Variants in PPL observed in about 807,000 individuals in gnomAD.
PPL encodes the protein 190 kDa paraneoplastic pemphigus antigen.
PPL carries 198 observed loss-of-function variants against 194.4 expected under a neutral mutation model. The ratio of observed to expected loss-of-function variants is 1.02; its 90% CI spans 0.91 to 1.15. PPL has a LOEUF of 1.15. Among genes scored for constraint, PPL ranks in the 50% most tolerant of loss-of-function variants. PPL has a pLI of 0.00. For synonymous variants in PPL, 1,220 were observed against 972.4 expected (o/e 1.25, Z -4.74); for missense variants, 2,885 against 2,294.8 (o/e 1.26, Z -5.25).
intron 1 of PPL, among the ~76,000 whole-genome samples, chr16:4,918,271 C>G (rs192198115): frequency 4.1e-5 from 6 of 145,122 alleles, no homozygotes; most frequent in East Asian, 2.1e-4. Flanking sequence ...CCAGCCTGGG[C>G]GACAGAGCAA....
At chr16:4,896,100 C>T (rs1381663926) in intron 9 of PPL, among the ~76,000 whole-genome samples, 4 of 152,032 alleles carry the variant, frequency 2.6e-5, no homozygotes, top group African/African-American at 7.2e-5. Flanking sequence ...TTTTTGTTCT[C>T]GAAAATTCTC....
At position 4,910,968 on chromosome 16, in the gene PPL, G is replaced by A. The variant is rs2088808709; in HGVS notation, c.63-19C>T. The A allele has an allele frequency of 6.2e-7, 1 of 1,604,536 alleles. No homozygotes were observed. Among genetic ancestry groups the A allele is most frequent in the South Asian group, 1.1e-5 (1 of 90,818 alleles). ...AGAGATGCTGCGGGCAGAAGCCGAGGGGAGATGGGCGGGGTGCCTGGTGGG... is the reference window on the plus strand; with the variant it reads ...AGAGATGCTGCGGGCAGAAGCCGAGAGGAGATGGGCGGGGTGCCTGGTGGG... On this transcript the variant is annotated intron_variant, in intron 1 of 21. Transcript: ENST00000345988.
chr16:4,909,361 C>T (rs995656197), intron 2 of PPL, among the ~76,000 whole-genome samples: 13 of 151,482 alleles, frequency 8.6e-5, no homozygotes, highest in Admixed American at 8.5e-4. Context: ...GCAGCTTGGC[C>T]GGGTAGACCT....
chr16:4,915,053 T>C (rs2088892637), intron 1 of PPL, among the ~76,000 whole-genome samples: 1 of 152,200 alleles, frequency 6.6e-6, no homozygotes, highest in Admixed American at 6.5e-5. Flanking sequence ...GTGGGGGCCT[T>C]TGTCTCTCTT....
intron 12 of PPL, among the ~76,000 whole-genome samples, chr16:4,894,044 G>T (rs1442829933): frequency 6.6e-6 from 1 of 152,162 alleles, no homozygotes; most frequent in South Asian, 2.1e-4. Context: ...AATTCAAGGA[G>T]CCCAGGCCCA....
chr16:4,883,268 G>T lies in PPL; in HGVS notation c.*116C>A. On this transcript the variant is annotated 3_prime_UTR_variant, in exon 22 of 22. Coordinates refer to ENST00000345988, the MANE Select transcript of PPL (RefSeq NM_002705.5). The surrounding 1 kb of genome is among the most constrained non-coding windows in gnomAD (Gnocchi z 4.8). The stretch of plus-strand genomic sequence containing the variant: ...GACTCTGAGCAGCCTGGCAGCGAGG[G>T]TATGTATAAAATGCTTGGCCTGCAC... 1 of 1,408,862 alleles carries T rather than the reference G, an allele frequency of 7.1e-7. No homozygotes were observed. The highest frequency in any genetic ancestry group is 9.7e-7 in the Non-Finnish European group (1 of 1,027,106). 87.3% of individuals were successfully genotyped at this position (1,408,862 alleles called of 1,614,324 possible).
chr16:4,900,799 C>A (rs2088547912), intron 6 of PPL, 31 bp downstream of exon 6: 1 of 1,614,016 alleles, frequency 6.2e-7, no homozygotes, highest in Non-Finnish European at 8.5e-7. Context: ...CTCCTCTCCC[C>A]ATGAGGCCTT....
intron 6 of PPL, among the ~76,000 whole-genome samples, chr16:4,899,842 T>C (rs1157438162): frequency 6.6e-6 from 1 of 152,184 alleles, no homozygotes; most frequent in Non-Finnish European, 1.5e-5. Flanking sequence ...ATGATCGTCT[T>C]ATAGAGGGCT....
chr16:4,912,489 G>A (rs113056255), intron 1 of PPL, among the ~76,000 whole-genome samples: 12 of 152,350 alleles, frequency 7.9e-5, no homozygotes, highest in African/African-American at 2.2e-4. Context: ...TTGGGCCATC[G>A]TGAGAATCAC....
chr16:4,899,417 C>G, intron 6 of PPL, 33 bp from the exon 7 acceptor site: 1 of 1,573,862 alleles, frequency 6.4e-7, no homozygotes, highest in Non-Finnish European at 8.6e-7. Context: ...AGGGCTGCGT[C>G]CTCAGCCCGC....
chr16:4,892,020 C>T lies in PPL; in HGVS notation c.1829+15G>A. The T allele has an allele frequency of 2.5e-6, 4 of 1,612,060 alleles. No homozygotes were observed. The highest frequency in any genetic ancestry group is 1.1e-5 in the South Asian group (1 of 91,036). On this transcript the variant is annotated intron_variant, in intron 15 of 21. Coordinates refer to ENST00000345988, the MANE Select transcript of PPL (RefSeq NM_002705.5). ...GACCCCACCCCAACCTCCATGCTGC[C>T]TGTCTGCCACCCACTTCTCCTGGGC...
rs902926148 is a variant in PPL, at chr16:4,890,842, G to C, written c.2048C>G (p.Ser683Trp). The C allele has an allele frequency of 6.4e-7, 1 of 1,572,696 alleles. No individual in the cohort carries two copies. The highest frequency in any genetic ancestry group is 1.4e-5 in the African/African-American group (1 of 73,896). Residue 683 changes from serine (S) to tryptophan (W), a missense_variant, in exon 17 of 22, where the codon TCG becomes TGG. Coordinates refer to ENST00000345988, the MANE Select transcript of PPL (RefSeq NM_002705.5). ...EQNLQAAKQCSSTLASRFQEH... is the reference protein window; with the variant it reads ...EQNLQAAKQCWSTLASRFQEH... ...CTGGAAGCGGCTGGCCAGTGTGCTCGAGCACTGCTTGGCCGCCTGCAAGTT... is the reference window on the plus strand; with the variant it reads ...CTGGAAGCGGCTGGCCAGTGTGCTCCAGCACTGCTTGGCCGCCTGCAAGTT...
chr16:4,933,474 G>C (rs1288214269), intron 1 of PPL, among the ~76,000 whole-genome samples: 1 of 152,150 alleles, frequency 6.6e-6, no homozygotes, highest in East Asian at 1.9e-4. Context: ...CCTGACTGCA[G>C]AGCTGGGTCT....
chr16:4,912,085 G>C (rs1364039587), intron 1 of PPL, among the ~76,000 whole-genome samples: 3 of 152,288 alleles, frequency 2.0e-5, no homozygotes, highest in East Asian at 3.9e-4. Flanking sequence ...AAATTCACCT[G>C]TTTAAAATAC....
intron 9 of PPL, 27 bp from the exon 10 acceptor site, chr16:4,895,743 G>T (rs749920822): frequency 6.2e-7 from 1 of 1,613,468 alleles, no homozygotes; most frequent in Non-Finnish European, 8.5e-7. Context: ...CTCTGTTACA[G>T]CCAGGAAACC....
intron 9 of PPL, among the ~76,000 whole-genome samples, chr16:4,896,453 T>C (rs577812921): frequency 1.3e-5 from 2 of 151,982 alleles, no homozygotes; most frequent in Admixed American, 6.6e-5. Flanking sequence ...CCGGAAAACA[T>C]GATGCTCAGT....
chr16:4,929,966 C>T (rs533408939), intron 1 of PPL, among the ~76,000 whole-genome samples: 10 of 152,164 alleles, frequency 6.6e-5, no homozygotes, highest in African/African-American at 2.2e-4. Flanking sequence ...AGGACAAGTG[C>T]GAACCACTGC....
Position 4,901,078 on chromosome 16 carries a change from G to T in PPL, c.450C>A (p.Asn150Lys), listed in dbSNP as rs968851595. The change falls in exon 5 of 22, where the codon AAC becomes AAA. Residue 150 changes from asparagine (N) to lysine (K), a missense_variant. Transcript: ENST00000345988. ...GCAGGTCAGTCCCAAAGCTCTGGTT[G>T]TTCAGCTTGTCCTGGCCAGGAGGGC... ...ALVEEKLDKL[N>K]NQSFGTDLPL... is the part of the protein sequence containing the mutation. 1 of 1,614,152 alleles carries T rather than the reference G, an allele frequency of 6.2e-7. No homozygotes were observed. Among genetic ancestry groups the T allele is most frequent in the Non-Finnish European group, 8.5e-7 (1 of 1,180,008 alleles).
chr16:4,891,959 C>T lies in PPL; in HGVS notation c.1830-10G>A. On this transcript the variant is annotated splice_polypyrimidine_tract_variant and intron_variant, in intron 15 of 21. Transcript: ENST00000345988. ...GTTGGCCACATCAACCCTGAGAGCACCAATCAGGCGTCGGGGGATGCCCAC... is the reference window on the plus strand; with the variant it reads ...GTTGGCCACATCAACCCTGAGAGCATCAATCAGGCGTCGGGGGATGCCCAC... 6.2e-7 allele frequency: 1 copy of T among 1,611,860 alleles called. No individual in the cohort carries two copies. Among genetic ancestry groups the T allele is most frequent in the Non-Finnish European group, 8.5e-7 (1 of 1,179,214 alleles).
Sources: gnomAD v4.1 joint callset for allele counts (sites outside exome capture counted in the v4.1 genomes callset) on GRCh38, gnomAD v4.1.1 for gene constraint, Gnocchi (gnomAD v3.1) non-coding constraint, MANE v1.5 for transcripts, NCBI Gene and HGNC (gene_info 2026-07-23, HGNC 2026-07-21) for gene names.